Variants in FAM13C observed in about 807,000 individuals in gnomAD.
FAM13C encodes the protein protein FAM13C.
Under a neutral mutation model 73.2 loss-of-function variants are expected in FAM13C, and 37 were observed. The observed-to-expected ratio is 0.51, with a 90% confidence interval of 0.39 to 0.67. FAM13C has a LOEUF of 0.67. FAM13C is among the 30% of genes least tolerant of loss of function. The probability of loss-of-function intolerance (pLI) is 0.00; values close to 1 mark genes in which losing one functional copy is unlikely to be tolerated. For missense variants in FAM13C, 589 were observed against 715.6 expected (o/e 0.82, Z 2.02); for synonymous variants, 246 against 260.9 (o/e 0.94, Z 0.55).
chr10:59,284,094 G>T (rs1845260389), intron 5 of FAM13C, among the ~76,000 whole-genome samples: 1 of 151,978 alleles, frequency 6.6e-6, no homozygotes, highest in East Asian at 1.9e-4. Context: ...CAGGGTGAAA[G>T]AAAAGGGTGG....
intron 11 of FAM13C, 143 bp from the exon 12 acceptor site, chr10:59,253,141 A>G: frequency 1.3e-6 from 1 of 744,012 alleles, no homozygotes; most frequent in Non-Finnish European, 2.2e-6. Flanking sequence ...GGGATGGAAG[A>G]AACCAAGAGG....
At chr10:59,298,120 G>T (rs989954752) in intron 5 of FAM13C, among the ~76,000 whole-genome samples, 9 of 152,214 alleles carry the variant, frequency 5.9e-5, no homozygotes, top group Non-Finnish European at 1.2e-4. Flanking sequence ...TGAGAAGATT[G>T]TTTTATTTTT....
At chr10:59,312,924 C>T (rs1730090746) in intron 4 of FAM13C, among the ~76,000 whole-genome samples, 2 of 152,148 alleles carry the variant, frequency 1.3e-5, no homozygotes, top group Non-Finnish European at 2.9e-5. Flanking sequence ...CTTCCCATGC[C>T]CCCATGTCAC....
intron 5 of FAM13C, chr10:59,297,216 G>A (rs896688476): frequency 6.6e-6 from 1 of 152,204 alleles, no homozygotes; most frequent in Non-Finnish European, 1.5e-5. Flanking sequence ...CAGTATCAGA[G>A]AACTTGTGCT....
At chr10:59,251,878 A>G (rs1415204306) in intron 12 of FAM13C, among the ~76,000 whole-genome samples, 2 of 152,128 alleles carry the variant, frequency 1.3e-5, no homozygotes, top group Non-Finnish European at 2.9e-5. Context: ...GATGGAAAAA[A>G]TATCACAGGA....
In FAM13C at chr10:59,307,656, T is replaced by C. The variant is rs548691605; in HGVS notation, c.444-4792A>G. Reference sequence around the variant, plus strand: ...AAATAAAGTCTGCCCTTGTGGAACTTATATTCTCACGGAAGGATAACAAAA... The same window carrying C: ...AAATAAAGTCTGCCCTTGTGGAACTCATATTCTCACGGAAGGATAACAAAA... On this transcript the variant is annotated intron_variant, in intron 4 of 13. Coordinates refer to ENST00000618804, the MANE Select transcript of FAM13C (RefSeq NM_198215.4). Among the ~76,000 whole-genome samples the C allele has an allele frequency of 2.0e-5, 3 of 152,300 alleles. No individual in the cohort carries two copies. In the East Asian group the frequency reaches 5.8e-4, roughly 29 times the overall value.
intron 8 of FAM13C, among the ~76,000 whole-genome samples, 171 bp downstream of exon 8, chr10:59,268,382 G>T (rs1157091082): frequency 6.6e-6 from 1 of 152,106 alleles, no homozygotes; most frequent in Non-Finnish European, 1.5e-5. Context: ...CTGACAGCAG[G>T]TGAGAACAAG....
intron 3 of FAM13C, 35 bp downstream of exon 3, chr10:59,352,235 G>C (rs562637907): frequency 6.2e-7 from 1 of 1,610,320 alleles, no homozygotes; most frequent in African/African-American, 1.3e-5. Flanking sequence ...AGAATCACCC[G>C]TCTTGGCAAA....
intron 5 of FAM13C, among the ~76,000 whole-genome samples, chr10:59,297,536 T>C (rs553318563): frequency 6.6e-6 from 1 of 152,254 alleles, no homozygotes; most frequent in South Asian, 2.1e-4. Flanking sequence ...TCTGGGTTGG[T>C]TTCTTCCTCT....
intron 3 of FAM13C, among the ~76,000 whole-genome samples, chr10:59,346,786 C>A (rs536482141): frequency 1.3e-5 from 2 of 152,314 alleles, no homozygotes; most frequent in South Asian, 2.1e-4. Flanking sequence ...GTGATCAATA[C>A]AGGATCATTG....
In FAM13C at chr10:59,246,639, T is replaced by G. The variant is rs1032398280; in HGVS notation, c.*975A>C. On this transcript the variant is annotated 3_prime_UTR_variant, in exon 14 of 14. Transcript: ENST00000618804. ...GATGAAGCAAATAAATATTCTGGCT[T>G]CTTTTTCAAGGTATCAGGGCAAACA... is the stretch of plus-strand genomic sequence containing the variant. 5.0e-6 allele frequency: 2 copies of G among 397,794 alleles called. No individual in the cohort carries two copies. The highest frequency in any genetic ancestry group is 6.3e-4 in the Middle Eastern group (1 of 1,580). The allele number at this position is 397,794 out of a possible 1,614,324, so 24.6% of individuals were successfully genotyped here. A position where few individuals can be genotyped will look rare whatever the true frequency, so the allele number is the denominator to read the frequency against.
At position 59,247,466 on chromosome 10, in the gene FAM13C, A is replaced by G; in HGVS notation, c.*148T>C. 1.1e-6 allele frequency: 1 copy of G among 927,538 alleles called. No individual in the cohort carries two copies. The highest frequency in any genetic ancestry group is 1.5e-5 in the South Asian group (1 of 66,960). 57.5% of individuals were successfully genotyped at this position (927,538 alleles called of 1,614,324 possible). ...AAATCCCTTCTCCTTGTATATAATT[A>G]AACTTGCTATTCCTTCTTAAAAACA... On this transcript the variant is annotated 3_prime_UTR_variant, in exon 14 of 14. Transcript: ENST00000618804.
intron 8 of FAM13C, among the ~76,000 whole-genome samples, 168 bp from the exon 9 acceptor site, chr10:59,264,334 G>A (rs1842810749): frequency 6.6e-6 from 1 of 152,204 alleles, no homozygotes; most frequent in African/African-American, 2.4e-5. Context: ...TTCTGATGGA[G>A]TTGCTTCTGA....
intron 6 of FAM13C, among the ~76,000 whole-genome samples, chr10:59,271,290 A>G (rs144981992): frequency 8.9e-4 from 135 of 152,370 alleles, no homozygotes; most frequent in African/African-American, 3.0e-3. Context: ...TTGGTACCAG[A>G]TGAATCTTAA....
At chr10:59,347,990 G>A (rs974752625) in intron 3 of FAM13C, among the ~76,000 whole-genome samples, 1 of 151,958 alleles carries the variant, frequency 6.6e-6, no homozygotes, top group Admixed American at 6.6e-5. Flanking sequence ...ATAAACATAC[G>A]TGTGCATGTG....
At chr10:59,352,209 C>A in intron 3 of FAM13C, 61 bp downstream of exon 3, 1 of 1,584,238 alleles carries the variant, frequency 6.3e-7, no homozygotes, top group Non-Finnish European at 8.6e-7. Context: ...CTGCCAGAAC[C>A]GTGTGGCCTA....
At chr10:59,251,758 A>G (rs1841401572) in intron 12 of FAM13C, 82 bp from the exon 13 acceptor site, 1 of 1,049,926 alleles carries the variant, frequency 9.5e-7, no homozygotes, top group Non-Finnish European at 1.4e-6. Context: ...TGTTCAGCCA[A>G]AAAAGCATCT....
intron 3 of FAM13C, among the ~76,000 whole-genome samples, chr10:59,335,327 G>A (rs1852578666): frequency 6.6e-6 from 1 of 152,052 alleles, no homozygotes; most frequent in Non-Finnish European, 1.5e-5. Context: ...TGTGGACTTG[G>A]GAAAAGCCTA....
chr10:59,295,651 A>G (rs142639800), intron 5 of FAM13C, among the ~76,000 whole-genome samples: 55 of 152,354 alleles, frequency 3.6e-4, no homozygotes, highest in African/African-American at 1.1e-3. Flanking sequence ...TCTGACCTAC[A>G]TAACTGTAAG....
Sources: gnomAD v4.1 joint callset for allele counts (sites outside exome capture counted in the v4.1 genomes callset) on GRCh38, gnomAD v4.1.1 for gene constraint, MANE v1.5 for transcripts, NCBI Gene and HGNC (gene_info 2026-07-23, HGNC 2026-07-21) for gene names.